MECOM: variants seen among roughly 807,000 people sequenced by gnomAD.
The protein encoded by MECOM is histone-lysine N-methyltransferase MECOM.
Under a neutral mutation model 116.3 loss-of-function variants are expected in MECOM, and 13 were observed. The observed-to-expected ratio is 0.11, with a 90% CI of 0.07 to 0.18. The LOEUF (loss-of-function observed/expected upper bound fraction) is 0.18. Ranked by LOEUF, MECOM falls within the 10% of genes least tolerant of loss-of-function variation. The pLI is 1.00. For synonymous variants in MECOM, 528 were observed against 535.2 expected (o/e 0.99, Z 0.19); for missense variants, 1,299 against 1,509.0 (o/e 0.86, Z 2.31).
chr3:169,596,671 C>T (rs1003951290), intron 1 of MECOM, among the ~76,000 whole-genome samples: 2 of 151,890 alleles, frequency 1.3e-5, no homozygotes, highest in African/African-American at 4.8e-5. Context: ...AATTAAAATG[C>T]TGTTTGATCA....
intron 1 of MECOM, among the ~76,000 whole-genome samples, chr3:169,403,587 T>C (rs1736216077): frequency 6.6e-6 from 1 of 152,218 alleles, no homozygotes; most frequent in Admixed American, 6.5e-5. Flanking sequence ...AAAGGAAGAA[T>C]GAACTGCAAG....
chr3:169,513,370 G>C (rs544451711), intron 1 of MECOM, among the ~76,000 whole-genome samples: 1 of 152,364 alleles, frequency 6.6e-6, no homozygotes, highest in Admixed American at 6.5e-5. Context: ...ATTGAGGTTA[G>C]AGTGAAATTG....
At chr3:169,519,565 C>T (rs1350612725) in intron 1 of MECOM, among the ~76,000 whole-genome samples, 1 of 152,158 alleles carries the variant, frequency 6.6e-6, no homozygotes, top group African/African-American at 2.4e-5. Flanking sequence ...ATGTAAAATG[C>T]CCAATTCAGT....
intron 1 of MECOM, among the ~76,000 whole-genome samples, chr3:169,456,887 G>T (rs754841716): frequency 6.6e-6 from 1 of 152,174 alleles, no homozygotes; most frequent in Non-Finnish European, 1.5e-5. Context: ...TTCTCGCCGG[G>T]TGTGCTTTTC....
At position 169,568,120 on chromosome 3, in the gene MECOM, G is replaced by A. The variant is rs147886511; in HGVS notation, c.37+95216C>T. Among the ~76,000 whole-genome samples the A allele has an allele frequency of 8.3e-3, 1,266 of 152,232 alleles. 24 individuals carry two copies. Among genetic ancestry groups the A allele is most frequent in the African/African-American group, 0.029 (1,187 of 41,532 alleles). Reference sequence around the variant, plus strand: ...CCTCACCCAGGAAATGCAAGGGGTCGGGGAACTCCCTTCTCTAGCCGACAG... The same window carrying A: ...CCTCACCCAGGAAATGCAAGGGGTCAGGGAACTCCCTTCTCTAGCCGACAG... On this transcript the variant is annotated intron_variant, in intron 1 of 16. Transcript: ENST00000651503.
In MECOM at chr3:169,344,261, T is replaced by A. The variant is rs1169901137; in HGVS notation, c.375+36926A>T. Among the ~76,000 whole-genome samples the A allele has an allele frequency of 3.3e-5, 5 of 152,180 alleles. No individual in the cohort carries two copies. The East Asian group carries it at 7.7e-4, about 23-fold the overall frequency. On this transcript the variant is annotated intron_variant, in intron 2 of 16. Coordinates refer to ENST00000651503, the MANE Select transcript of MECOM (RefSeq NM_004991.4). ...TGTTTTTTGTGTAAAATTATCACTT[T>A]AGGCATAGTGTCCTGGAAGTTGTAA...
chr3:169,224,648 C>T (rs1398286849), intron 2 of MECOM, among the ~76,000 whole-genome samples: 1 of 152,192 alleles, frequency 6.6e-6, no homozygotes, highest in Non-Finnish European at 1.5e-5. Flanking sequence ...AATAATTCTC[C>T]AGTTTTCACA....
At chr3:169,477,128 T>TAA (rs1750592589) in intron 1 of MECOM, 2 of 95,780 alleles carry the variant, frequency 2.1e-5, no homozygotes, top group African/African-American at 8.5e-5. Context: ...TATATATATA[T>TAA]ATATATATAT....
At chr3:169,642,785 T>C (rs1219534084) in intron 1 of MECOM, among the ~76,000 whole-genome samples, 1 of 133,768 alleles carries the variant, frequency 7.5e-6, no homozygotes, top group East Asian at 2.2e-4. Context: ...CCCTACTTCA[T>C]CCTGCCAACC....
intron 1 of MECOM, among the ~76,000 whole-genome samples, chr3:169,406,622 G>T (rs888629655): frequency 6.6e-6 from 1 of 152,092 alleles, no homozygotes; most frequent in African/African-American, 2.4e-5. Flanking sequence ...CTTACTATGT[G>T]CCAGACTGAC....
rs917610977 is a variant in MECOM at position 169,239,377 on chromosome 3, A to C, written c.376-95545T>G. Among the ~76,000 whole-genome samples, 11 of 152,056 alleles carry C rather than the reference A, an allele frequency of 7.2e-5. No homozygotes were observed. The East Asian group carries it at 2.1e-3, about 29-fold the overall frequency. On this transcript the variant is annotated intron_variant, in intron 2 of 16. Transcript: ENST00000651503. ...AAAATGGCAACAAAAATATAAAAGA[A>C]AATTAAATACAGGAATTATTTTGTA...
chr3:169,499,219 C>A (rs1216787191), intron 1 of MECOM, among the ~76,000 whole-genome samples: 1 of 150,994 alleles, frequency 6.6e-6, no homozygotes, highest in East Asian at 1.9e-4. Context: ...GACATGAGCA[C>A]TAGAAACAGT....
intron 2 of MECOM, chr3:169,146,955 C>T: frequency 3.0e-6 from 3 of 1,004,372 alleles, no homozygotes; most frequent in Non-Finnish European, 3.6e-6. Context: ...ATCTGCTCTC[C>T]AGGACCACGC....
At chr3:169,568,372 G>A (rs910162343) in intron 1 of MECOM, among the ~76,000 whole-genome samples, 34 of 151,964 alleles carry the variant, frequency 2.2e-4, no homozygotes, top group African/African-American at 8.0e-4. Context: ...AGACAGAACT[G>A]TTCACTCCCC....
chr3:169,529,443 C>T (rs1253026781), intron 1 of MECOM, among the ~76,000 whole-genome samples: 1 of 152,320 alleles, frequency 6.6e-6, no homozygotes, highest in East Asian at 1.9e-4. Context: ...TGAAACAACT[C>T]TCCCGTTTAG....
intron 2 of MECOM, among the ~76,000 whole-genome samples, chr3:169,234,397 A>G (rs889706734): frequency 2.6e-5 from 4 of 152,082 alleles, no homozygotes; most frequent in Non-Finnish European, 5.9e-5. Flanking sequence ...TTAGTCAATT[A>G]TGTCATTGAG....
intron 2 of MECOM, 100 bp from the exon 3 acceptor site, chr3:169,143,932 T>A: frequency 7.5e-7 from 1 of 1,330,558 alleles, no homozygotes. Flanking sequence ...TATTCCTTCT[T>A]TGGATCCTTA....
Position 169,364,098 on chromosome 3 carries a change from T to C in MECOM, c.375+17089A>G, listed in dbSNP as rs532166897. On this transcript the variant is annotated intron_variant, in intron 2 of 16. Coordinates refer to ENST00000651503, the MANE Select transcript of MECOM (RefSeq NM_004991.4). ...TCAATTAAAATGGGAACGTGTGACA[T>C]GGCCTGTACTCAGCAACTTTTGAGC... Among the ~76,000 whole-genome samples, 9 of 152,086 alleles carry C rather than the reference T, an allele frequency of 5.9e-5. No individual in the cohort carries two copies. In the East Asian group the frequency reaches 1.6e-3, roughly 26 times the overall value.
intron 2 of MECOM, among the ~76,000 whole-genome samples, chr3:169,157,158 A>G (rs965976418): frequency 5.3e-5 from 8 of 152,218 alleles, no homozygotes; most frequent in South Asian, 2.1e-4. Context: ...GCTTGCTTCT[A>G]TTGAAAGTAC....
Sources: allele counts gnomAD v4.1 joint callset (sites outside exome capture counted in the v4.1 genomes callset), GRCh38; gene constraint gnomAD v4.1.1; transcripts MANE v1.5; gene names NCBI Gene and HGNC (gene_info 2026-07-23, HGNC 2026-07-21).